The following GIT2 variants were observed in gnomAD, a reference collection of about 807,000 sequenced individuals.
The protein encoded by GIT2 is GIT ArfGAP 2, also known as ARF GTPase-activating protein GIT2.
GIT2 carries 32 observed loss-of-function variants against 100.3 expected under a neutral mutation model. The observed-to-expected ratio is 0.32, with a 90% CI of 0.24 to 0.43. The LOEUF (loss-of-function observed/expected upper bound fraction) is 0.43, where lower values mean the gene tolerates loss of function less well. Among genes scored for constraint, GIT2 ranks in the 20% least tolerant of loss-of-function variants. The pLI is 1.00. For missense variants in GIT2, 737 were observed against 975.1 expected, an observed-to-expected ratio of 0.76 and a Z score of 3.25; for synonymous variants, 353 against 364.1, an observed-to-expected ratio of 0.97 and a Z score of 0.35.
chr12:109,969,879 C>T (rs1168610871), intron 7 of GIT2, among the ~76,000 whole-genome samples: 1 of 152,012 alleles, frequency 6.6e-6, no homozygotes, highest in Non-Finnish European at 1.5e-5. Context: ...CCTTAGCCTC[C>T]TGAGTAGCTG....
chr12:109,980,998 A>G lies in GIT2; in HGVS notation c.672T>C (p.Tyr224=). The change falls in exon 7 of 20, where the codon TAT becomes TAC. Residue 224 remains tyrosine, a synonymous_variant. Transcript: ENST00000355312. ...ELAERLVEIQ[Y]ELTDRLAFYL... ...AGAAGGCTAGTCTGTCCGTTAGCTC[A>G]TACTGTATTTCCACGAGGCGCTCTG... 6.2e-7 allele frequency: 1 copy of G among 1,613,236 alleles called. No individual in the cohort carries two copies. Among genetic ancestry groups the G allele is most frequent in the Non-Finnish European group, 8.5e-7 (1 of 1,179,170 alleles).
At chr12:109,987,792 ATAAG>A (rs1887680632) in intron 4 of GIT2, among the ~76,000 whole-genome samples, 1 of 152,182 alleles carries the variant, frequency 6.6e-6, no homozygotes, top group Non-Finnish European at 1.5e-5. Context: ...AAAGTTCTGA[ATAAG>A]TAAGTTCTCA....
intron 16 of GIT2, chr12:109,939,682 A>AAAATT (rs1555222500): frequency 1.4e-5 from 2 of 140,312 alleles, no homozygotes; most frequent in South Asian, 2.3e-4. Context: ...AAAAATAAAT[A>AAAATT]AAATAAATAA....
Position 109,929,943 on chromosome 12 carries a change from T to C in GIT2, c.*3035A>G, listed in dbSNP as rs1871362836. On this transcript the variant is annotated 3_prime_UTR_variant, in exon 20 of 20. Transcript: ENST00000355312. ...TAATGAGTGACAGGGATCAAACACG[T>C]TGGAATAAAAGGCATCTCAGTTTTC... 6.6e-6 allele frequency: 1 copy of C among 152,474 alleles called. No individual in the cohort carries two copies. The highest frequency in any genetic ancestry group is 6.5e-5 in the Admixed American group (1 of 15,270). 9.4% of individuals were successfully genotyped at this position (152,474 alleles called of 1,614,324 possible).
Position 109,961,546 on chromosome 12 carries a change from T to C in GIT2, c.889+67A>G, listed in dbSNP as rs569793387. The C allele has an allele frequency of 4.3e-5, 47 of 1,099,758 alleles. No individual in the cohort carries two copies. The East Asian group carries it at 8.7e-4, about 20-fold the overall frequency. The allele number at this position is 1,099,758 out of a possible 1,614,324, so 68.1% of individuals were successfully genotyped here. A position where few individuals can be genotyped will look rare whatever the true frequency, so the allele number is the denominator to read the frequency against. On this transcript the variant is annotated intron_variant, in intron 10 of 19. Coordinates refer to ENST00000355312, the MANE Select transcript of GIT2 (RefSeq NM_057169.5). The stretch of plus-strand genomic sequence containing the variant: ...AGCAGAAATTGGACTAGTAAAACAC[T>C]GAGCCTGGCAGCTTTTCACTGCCCA...
intron 18 of GIT2, among the ~76,000 whole-genome samples, chr12:109,937,549 A>C (rs1175583248): frequency 6.6e-6 from 1 of 152,194 alleles, no homozygotes; most frequent in Non-Finnish European, 1.5e-5. Context: ...AACTCACCGG[A>C]AGTTCTCAGA....
intron 4 of GIT2, among the ~76,000 whole-genome samples, chr12:109,986,634 G>A (rs144965465): frequency 0.018 from 2,801 of 152,242 alleles, 84 homozygotes; most frequent in African/African-American, 0.064. Context: ...GTGTGGTGGC[G>A]GACGCCTGTA....
chr12:109,979,904 T>C (rs1279897403), intron 7 of GIT2, among the ~76,000 whole-genome samples: 1 of 152,146 alleles, frequency 6.6e-6, no homozygotes, highest in African/African-American at 2.4e-5. Context: ...ACATCAGGGG[T>C]TGGCCAATAT....
chr12:109,955,991 C>T (rs537352563), intron 12 of GIT2, among the ~76,000 whole-genome samples: 12 of 151,010 alleles, frequency 7.9e-5, no homozygotes, highest in African/African-American at 2.2e-4. Flanking sequence ...TGCAGTGGCA[C>T]GATCTCAGCT....
rs1566021584 is a variant in GIT2 at position 109,989,741 on chromosome 12, G to A, written c.248C>T (p.Pro83Leu). The change falls in exon 3 of 20, where the codon CCT (proline) becomes CTT (leucine). Residue 83 changes from proline (P) to leucine (L), a missense_variant. Coordinates refer to ENST00000355312, the MANE Select transcript of GIT2 (RefSeq NM_057169.5). Reference sequence around the variant, plus strand: ...ACGTCTTCCACTCATAATAGACGCAGGGTCCAGCAAAGAATGCTCCCATAT... The same window carrying A: ...ACGTCTTCCACTCATAATAGACGCAAGGTCCAGCAAAGAATGCTCCCATAT... Reference protein sequence around the residue: ...NSIWEHSLLDPASIMSGRRKA... With the variant: ...NSIWEHSLLDLASIMSGRRKA... 4 of 1,606,662 alleles carry A rather than the reference G, an allele frequency of 2.5e-6. No homozygotes were observed. The highest frequency in any genetic ancestry group is 3.4e-6 in the Non-Finnish European group (4 of 1,173,356).
intron 10 of GIT2, 59 bp downstream of exon 10, chr12:109,961,554 G>A: frequency 8.8e-7 from 1 of 1,135,032 alleles, no homozygotes. Context: ...ACTGAGCCTG[G>A]CAGCTTTTCA....
chr12:109,945,905 C>T (rs1247620649), intron 15 of GIT2, among the ~76,000 whole-genome samples: 2 of 152,012 alleles, frequency 1.3e-5, no homozygotes, highest in Admixed American at 6.6e-5. Flanking sequence ...GAGGCTGAGG[C>T]GGGCGGATTG....
At chr12:109,985,654 A>G (rs1887226368) in intron 4 of GIT2, among the ~76,000 whole-genome samples, 1 of 152,148 alleles carries the variant, frequency 6.6e-6, no homozygotes, top group South Asian at 2.1e-4. Context: ...GTTCAAGACC[A>G]GCCTGGCCAA....
intron 4 of GIT2, among the ~76,000 whole-genome samples, chr12:109,987,819 G>A (rs1313028464): frequency 1.3e-5 from 2 of 152,288 alleles, no homozygotes; most frequent in East Asian, 3.9e-4. Context: ...CTCTGTGTGA[G>A]TAAGCATTTA....
rs750658561 is a variant in GIT2, at chr12:109,991,649, G to A, written c.164C>T (p.Pro55Leu). The A allele has an allele frequency of 4.0e-5, 65 of 1,612,726 alleles. No individual in the cohort carries two copies. In the Middle Eastern group the frequency reaches 1.2e-3, roughly 29 times the overall value. The change falls in exon 2 of 20, where the codon CCG becomes CTG. Residue 55 changes from proline to leucine, a missense_variant. Coordinates refer to ENST00000355312, the MANE Select transcript of GIT2 (RefSeq NM_057169.5). The part of the protein sequence containing the change: ...ISQVRHLKHT[P>L]WPPTLLQMVE... ...TACCTGAAGCAGTGTTGGAGGCCAC[G>A]GTGTGTGTTTCAGATGCCTCACTTG...
intron 14 of GIT2, among the ~76,000 whole-genome samples, chr12:109,949,671 AC>A (rs1416677982): frequency 1.3e-5 from 2 of 152,228 alleles, no homozygotes; most frequent in Non-Finnish European, 2.9e-5. Context: ...AAATAATTTC[AC>A]TTTGCATTTC....
intron 10 of GIT2, 46 bp from the exon 11 acceptor site, chr12:109,961,421 G>T: frequency 1.6e-6 from 2 of 1,228,974 alleles, no homozygotes; most frequent in Non-Finnish European, 2.4e-6. Flanking sequence ...ACGCCTGTGT[G>T]CCACTGCTCC....
At chr12:109,941,671 A>G (rs1342418603) in intron 16 of GIT2, among the ~76,000 whole-genome samples, 4 of 151,672 alleles carry the variant, frequency 2.6e-5, no homozygotes, top group Non-Finnish European at 4.4e-5. Flanking sequence ...ACAGGCATGC[A>G]CCACCATACC....
At chr12:109,953,330 G>A (rs1878451878) in intron 12 of GIT2, 96 bp from the exon 13 acceptor site, 4 of 1,178,626 alleles carry the variant, frequency 3.4e-6, no homozygotes, top group Non-Finnish European at 5.0e-6. Context: ...CCATTTAAAG[G>A]ACTTAAAGGG....
Sources: allele counts gnomAD v4.1 joint callset (sites outside exome capture counted in the v4.1 genomes callset), GRCh38; gene constraint gnomAD v4.1.1; transcripts MANE v1.5; gene names NCBI Gene and HGNC (gene_info 2026-07-23, HGNC 2026-07-21).